The following KCNJ6 variants were observed in gnomAD, a reference collection of about 807,000 sequenced individuals.
KCNJ6 encodes the protein G protein-activated inward rectifier potassium channel 2.
A neutral mutation model predicts 34.2 loss-of-function variants in KCNJ6; 9 were observed. The observed-to-expected ratio is 0.26, with a 90% CI of 0.16 to 0.46. The LOEUF is 0.46. Ranked by LOEUF, KCNJ6 falls within the 20% of genes least tolerant of loss-of-function variation. The pLI is 1.00. For missense variants in KCNJ6, 236 were observed against 531.3 expected (o/e 0.44, Z 5.46); for synonymous variants, 196 against 207.1 (o/e 0.95, Z 0.46).
intron 2 of KCNJ6, among the ~76,000 whole-genome samples, chr21:37,739,988 G>A (rs538829255): frequency 1.3e-5 from 2 of 151,970 alleles, no homozygotes; most frequent in East Asian, 3.9e-4. Flanking sequence ...AGCACCTGTG[G>A]CAACATTGCC....
chr21:37,791,237 G>A (rs2055215417), intron 2 of KCNJ6, among the ~76,000 whole-genome samples: 1 of 152,144 alleles, frequency 6.6e-6, no homozygotes, highest in Admixed American at 6.5e-5. Context: ...ACATTTGGGG[G>A]CATTTAATAA....
chr21:37,655,289 A>C (rs1413763210), intron 3 of KCNJ6, among the ~76,000 whole-genome samples: 3 of 137,348 alleles, frequency 2.2e-5, no homozygotes, highest in African/African-American at 8.6e-5. Flanking sequence ...GAGAGAGTGT[A>C]ACCATGAAGA....
intron 2 of KCNJ6, among the ~76,000 whole-genome samples, chr21:37,818,417 C>T (rs2055358052): frequency 6.6e-6 from 1 of 152,098 alleles, no homozygotes; most frequent in African/African-American, 2.4e-5. Context: ...CACAACATGA[C>T]ATTTTATAAC....
chr21:37,797,850 G>A (rs1034259861), intron 2 of KCNJ6, among the ~76,000 whole-genome samples: 5 of 152,194 alleles, frequency 3.3e-5, no homozygotes, highest in East Asian at 1.9e-4. Context: ...GGGGAAGGCC[G>A]AAAGAAGAAA....
intron 1 of KCNJ6, among the ~76,000 whole-genome samples, chr21:37,842,610 C>A (rs1186641697): frequency 6.6e-6 from 1 of 152,194 alleles, no homozygotes. Flanking sequence ...GAATTTCACC[C>A]GTGATATTTA....
chr21:37,849,457 C>T (rs530926047), intron 1 of KCNJ6, among the ~76,000 whole-genome samples: 2 of 152,270 alleles, frequency 1.3e-5, no homozygotes, highest in Admixed American at 6.5e-5. Flanking sequence ...GAACAGATGC[C>T]ATATTAGTTC....
At chr21:37,697,493 G>A (rs2054668931) in intron 3 of KCNJ6, among the ~76,000 whole-genome samples, 1 of 152,182 alleles carries the variant, frequency 6.6e-6, no homozygotes, top group Admixed American at 6.5e-5. Flanking sequence ...TTTGAGTTGA[G>A]AAATTTCATA....
At chr21:37,710,792 CCTT>C (rs1252887685) in intron 3 of KCNJ6, among the ~76,000 whole-genome samples, 1 of 152,196 alleles carries the variant, frequency 6.6e-6, no homozygotes, top group Non-Finnish European at 1.5e-5. Context: ...AGCTATGAAA[CCTT>C]CTGTAAACAC....
intron 2 of KCNJ6, among the ~76,000 whole-genome samples, chr21:37,832,071 T>C (rs1030967011): frequency 6.6e-6 from 1 of 152,060 alleles, no homozygotes; most frequent in Non-Finnish European, 1.5e-5. Context: ...TCCTGGGTGG[T>C]TGTCACTGCA....
intron 1 of KCNJ6, among the ~76,000 whole-genome samples, chr21:37,913,757 G>T (rs1274540759): frequency 6.6e-6 from 1 of 152,178 alleles, no homozygotes; most frequent in African/African-American, 2.4e-5. Context: ...CGCAGAGGTT[G>T]CAGTGAGCCG....
chr21:37,914,008 GGTGTGT>G (rs371432862), intron 1 of KCNJ6, among the ~76,000 whole-genome samples: 2,053 of 135,560 alleles, frequency 0.015, 53 homozygotes, highest in African/African-American at 0.053. Flanking sequence ...GGCGGATCGG[GGTGTGT>G]GTGTGTGTGT....
chr21:37,848,363 T>A (rs2055520658), intron 1 of KCNJ6, among the ~76,000 whole-genome samples: 1 of 152,250 alleles, frequency 6.6e-6, no homozygotes, highest in African/African-American at 2.4e-5. Context: ...GTTTCTAAAA[T>A]AATCTGAAAT....
At chr21:37,859,170 C>T (rs1205788231) in intron 1 of KCNJ6, among the ~76,000 whole-genome samples, 1 of 151,616 alleles carries the variant, frequency 6.6e-6, no homozygotes, top group African/African-American at 2.4e-5. Flanking sequence ...AAATAAAAGA[C>T]CAAAATATAG....
intron 3 of KCNJ6, among the ~76,000 whole-genome samples, chr21:37,679,831 C>A (rs140435680): frequency 6.6e-6 from 1 of 152,164 alleles, no homozygotes; most frequent in Non-Finnish European, 1.5e-5. Context: ...CACATACTGT[C>A]GCCTTTCTAG....
intron 2 of KCNJ6, among the ~76,000 whole-genome samples, chr21:37,781,312 C>A (rs1239593584): frequency 6.6e-6 from 1 of 152,144 alleles, no homozygotes; most frequent in African/African-American, 2.4e-5. Context: ...CCAGCATAAT[C>A]CGAACTTTGG....
At chr21:37,884,992 T>C (rs2055728222) in intron 1 of KCNJ6, among the ~76,000 whole-genome samples, 1 of 152,222 alleles carries the variant, frequency 6.6e-6, no homozygotes, top group African/African-American at 2.4e-5. Context: ...AGAAATCTTC[T>C]TCCTTTTATC....
Position 37,898,098 on chromosome 21 carries a change from G to A in KCNJ6, c.-28+17786C>T, listed in dbSNP as rs545091272. Among the ~76,000 whole-genome samples, 32 of 152,310 alleles carry A rather than the reference G, an allele frequency of 2.1e-4. 1 individual carries two copies. The South Asian group carries it at 6.0e-3, about 29-fold the overall frequency. On this transcript the variant is annotated intron_variant, in intron 1 of 3. Coordinates refer to ENST00000609713, the MANE Select transcript of KCNJ6 (RefSeq NM_002240.5). The stretch of plus-strand genomic sequence containing the variant: ...ATCTGGGAGGCTCGATGAAGTATCC[G>A]TGTGGGAAGGGGAAGGCAGAGCGTG...
At chr21:37,908,997 A>C (rs1195166604) in intron 1 of KCNJ6, among the ~76,000 whole-genome samples, 1 of 152,232 alleles carries the variant, frequency 6.6e-6, no homozygotes, top group Non-Finnish European at 1.5e-5. Context: ...ATAGAATATG[A>C]ATAGGAGTGA....
chr21:37,787,213 T>C (rs1389773552), intron 2 of KCNJ6, among the ~76,000 whole-genome samples: 1 of 152,226 alleles, frequency 6.6e-6, no homozygotes, highest in Non-Finnish European at 1.5e-5. Flanking sequence ...ACATCTCACA[T>C]AGTCTGTGAA....
Sources: gnomAD v4.1 joint callset for allele counts (sites outside exome capture counted in the v4.1 genomes callset) on GRCh38, gnomAD v4.1.1 for gene constraint, MANE v1.5 for transcripts, NCBI Gene and HGNC (gene_info 2026-07-23, HGNC 2026-07-21) for gene names.